XRCC6: variants seen among roughly 807,000 people sequenced by gnomAD.
XRCC6 encodes X-ray repair cross complementing 6.
Under a neutral mutation model 65.7 loss-of-function variants are expected in XRCC6, and 5 were observed. The ratio of observed to expected loss-of-function variants is 0.08; its 90% CI spans 0.04 to 0.16. The LOEUF (loss-of-function observed/expected upper bound fraction) is 0.16, where lower values mean the gene tolerates loss of function less well. Among genes scored for constraint, XRCC6 ranks in the 10% least tolerant of loss-of-function variants. The probability of loss-of-function intolerance (pLI) is 1.00; values close to 1 mark genes in which losing one functional copy is unlikely to be tolerated. For synonymous variants in XRCC6, 270 were observed against 270.6 expected (o/e 1.00, Z 0.02); for missense variants, 447 against 738.1 (o/e 0.61, Z 4.57).
intron 2 of XRCC6, among the ~76,000 whole-genome samples, chr22:41,623,211 G>C (rs920844512): frequency 2.0e-5 from 3 of 151,904 alleles, no homozygotes; most frequent in African/African-American, 7.3e-5. Flanking sequence ...TACCTCAGTA[G>C]CTGGGACTAC....
At chr22:41,649,139 A>AAAATATATATATATATATATAT in intron 7 of XRCC6, among the ~76,000 whole-genome samples, 11 of 88,716 alleles carry the variant, frequency 1.2e-4, no homozygotes, top group Admixed American at 1.7e-4. Context: ...AAAAAAAAAA[A>AAAATATATATATATATATATAT]ATATATATAT....
chr22:41,649,160 A>ATATATATATATATG (rs1376197191), intron 7 of XRCC6, among the ~76,000 whole-genome samples: 127 of 125,740 alleles, frequency 1.0e-3, no homozygotes, highest in South Asian at 4.2e-3. Flanking sequence ...ATATATATAT[A>ATATATATATATATG]TATGTATGTA....
chr22:41,662,108 G>C (rs1407211704), intron 12 of XRCC6, among the ~76,000 whole-genome samples: 23 of 151,934 alleles, frequency 1.5e-4, no homozygotes. Context: ...GGTGGGGATG[G>C]TTAATGGGTA....
chr22:41,652,251 C>G (rs80179309), intron 8 of XRCC6, among the ~76,000 whole-genome samples: 4 of 138,374 alleles, frequency 2.9e-5, no homozygotes, highest in Non-Finnish European at 6.5e-5. Flanking sequence ...ACCCTATCTT[C>G]TTTTGTGCTA....
chr22:41,641,564 A>AT (rs1469908367), intron 6 of XRCC6, among the ~76,000 whole-genome samples: 1 of 151,892 alleles, frequency 6.6e-6, no homozygotes, highest in Admixed American at 6.6e-5. Context: ...CATTCTTTCT[A>AT]TTTTTTGTAC....
At chr22:41,626,605 C>T (rs1231753626) in intron 2 of XRCC6, among the ~76,000 whole-genome samples, 1 of 151,686 alleles carries the variant, frequency 6.6e-6, no homozygotes, top group African/African-American at 2.4e-5. Flanking sequence ...CAGGTGGGCA[C>T]CACCACACCT....
intron 3 of XRCC6, among the ~76,000 whole-genome samples, chr22:41,630,776 G>C (rs1312570054): frequency 1.3e-5 from 2 of 152,078 alleles, no homozygotes; most frequent in African/African-American, 4.8e-5. Flanking sequence ...ACAGGGTTGT[G>C]GGGTAAGGTC....
At chr22:41,628,596 A>G (rs1286121016) in intron 3 of XRCC6, among the ~76,000 whole-genome samples, 1 of 152,200 alleles carries the variant, frequency 6.6e-6, no homozygotes, top group Admixed American at 6.6e-5. Flanking sequence ...GATACTTGGG[A>G]GTTGACTACT....
intron 3 of XRCC6, among the ~76,000 whole-genome samples, chr22:41,630,529 C>G (rs1179235421): frequency 8.3e-6 from 1 of 120,100 alleles, no homozygotes; most frequent in South Asian, 2.5e-4. Context: ...ATTGATCATT[C>G]TTGGGTGTTT....
intron 6 of XRCC6, among the ~76,000 whole-genome samples, chr22:41,641,518 G>A (rs1205087409): frequency 6.6e-6 from 1 of 152,032 alleles, no homozygotes; most frequent in Non-Finnish European, 1.5e-5. Flanking sequence ...ATTGACTATA[G>A]TCACCCTGAT....
At chr22:41,640,199 A>G (rs2067860622) in intron 6 of XRCC6, among the ~76,000 whole-genome samples, 1 of 151,590 alleles carries the variant, frequency 6.6e-6, no homozygotes, top group African/African-American at 2.4e-5. Context: ...CCCAGGCTGG[A>G]GTGCAGTGGC....
chr22:41,653,629 T>C lies in XRCC6; in HGVS notation c.1230T>C (p.Phe410=), dbSNP rs2068020501. The C allele has an allele frequency of 2.5e-6, 4 of 1,614,032 alleles. No homozygotes were observed. The highest frequency in any genetic ancestry group is 2.5e-6 in the Non-Finnish European group (3 of 1,180,030). Residue 410 remains phenylalanine, a synonymous_variant, in exon 9 of 13, where the codon TTT becomes TTC. Coordinates refer to ENST00000360079, the MANE Select transcript of XRCC6 (RefSeq NM_001469.5). ...YTPRRNIPPY[F]VALVPQEEEL... is the part of the protein sequence containing the mutation. ...CCCGCAGGAACATCCCTCCTTATTT[T>C]GTGGCTTTGGTGCCACAGGAAGAAG...
chr22:41,639,504 TTTTTTATTTTTA>T (rs537993830), intron 6 of XRCC6, among the ~76,000 whole-genome samples: 3 of 150,300 alleles, frequency 2.0e-5, no homozygotes, highest in Non-Finnish European at 3.0e-5. Context: ...CTGCTGATTA[TTTTTTATTTTTA>T]TTTTTATTTT....
chr22:41,627,127 G>A (rs1601527069), intron 2 of XRCC6, among the ~76,000 whole-genome samples: 1 of 152,164 alleles, frequency 6.6e-6, no homozygotes, highest in African/African-American at 2.4e-5. Flanking sequence ...GTGGAAAAGT[G>A]TATAACACAA....
intron 6 of XRCC6, among the ~76,000 whole-genome samples, chr22:41,639,329 CTTTTTTTTT>C (rs386395480): frequency 1.2e-3 from 78 of 64,590 alleles, no homozygotes; most frequent in Non-Finnish European, 1.5e-3. Flanking sequence ...GATTCTTTTT[CTTTTTTTTT>C]TTTTTTTTTT....
intron 8 of XRCC6, among the ~76,000 whole-genome samples, chr22:41,651,202 G>A (rs1033302368): frequency 1.3e-5 from 2 of 151,898 alleles, no homozygotes; most frequent in Non-Finnish European, 2.9e-5. Flanking sequence ...GGAGGCTGAC[G>A]CATGAAAATC....
At chr22:41,649,142 ATATATAT>A (rs1569093138) in intron 7 of XRCC6, among the ~76,000 whole-genome samples, 6 of 122,936 alleles carry the variant, frequency 4.9e-5, no homozygotes, top group Admixed American at 1.8e-4. Context: ...AAAAAAAAAT[ATATATAT>A]ATATATATAT....
intron 6 of XRCC6, among the ~76,000 whole-genome samples, chr22:41,643,140 G>A (rs896591096): frequency 3.9e-5 from 6 of 152,192 alleles, no homozygotes; most frequent in Admixed American, 1.3e-4. Context: ...GGCCGGGTGC[G>A]GTGGCTCACG....
At chr22:41,651,522 T>TA (rs1306363645) in intron 8 of XRCC6, among the ~76,000 whole-genome samples, 3 of 147,930 alleles carry the variant, frequency 2.0e-5, no homozygotes, top group Non-Finnish European at 4.5e-5. Context: ...TATATATATA[T>TA]TTTTTTAATT....
Sources: gnomAD v4.1 joint callset for allele counts (sites outside exome capture counted in the v4.1 genomes callset) on GRCh38, gnomAD v4.1.1 for gene constraint, MANE v1.5 for transcripts, NCBI Gene and HGNC (gene_info 2026-07-23, HGNC 2026-07-21) for gene names.